GALNT16: variants seen among roughly 807,000 people sequenced by gnomAD.
The protein encoded by GALNT16 is polypeptide N-acetylgalactosaminyltransferase 16.
Under a neutral mutation model 76.1 loss-of-function variants are expected in GALNT16, and 40 were observed. That is an observed-to-expected ratio of 0.53 (90% confidence interval 0.41 to 0.68). The LOEUF (loss-of-function observed/expected upper bound fraction) is 0.68, where lower values mean the gene tolerates loss of function less well. Ranked by LOEUF, GALNT16 falls within the 30% of genes least tolerant of loss-of-function variation. GALNT16 has a pLI of 0.00. For missense variants in GALNT16, 621 were observed against 731.9 expected (o/e 0.85, Z 1.75); for synonymous variants, 276 against 285.2 (o/e 0.97, Z 0.32).
intron 1 of GALNT16, among the ~76,000 whole-genome samples, chr14:69,317,220 G>A (rs899093750): frequency 3.9e-5 from 6 of 152,096 alleles, no homozygotes; most frequent in Non-Finnish European, 5.9e-5. Context: ...TTACTCCCTC[G>A]CCAATACACT....
chr14:69,264,619 T>C (rs1181633829), intron 1 of GALNT16, among the ~76,000 whole-genome samples: 1 of 152,090 alleles, frequency 6.6e-6, no homozygotes, highest in Non-Finnish European at 1.5e-5. Flanking sequence ...TTATAATGTG[T>C]GCATTTTGGA....
downstream of GALNT16, among the ~76,000 whole-genome samples, chr14:69,359,576 G>A (rs1054184127): frequency 6.6e-6 from 1 of 152,102 alleles, no homozygotes; most frequent in South Asian, 2.1e-4. Flanking sequence ...ACTCCAATGA[G>A]GTAGGTTCTC....
intron 1 of GALNT16, among the ~76,000 whole-genome samples, chr14:69,314,925 T>G (rs1259247309): frequency 2.0e-5 from 3 of 152,182 alleles, no homozygotes; most frequent in African/African-American, 4.8e-5. Context: ...CAGGTACCTG[T>G]TTTACTGGCA....
chr14:69,276,214 GT>G (rs2044469006), intron 1 of GALNT16, among the ~76,000 whole-genome samples: 1 of 151,860 alleles, frequency 6.6e-6, no homozygotes, highest in Non-Finnish European at 1.5e-5. Context: ...CATATCATCT[GT>G]TTCCAAAAAA....
chr14:69,290,693 G>A (rs1409200421), intron 1 of GALNT16, among the ~76,000 whole-genome samples: 2 of 152,240 alleles, frequency 1.3e-5, no homozygotes, highest in Non-Finnish European at 2.9e-5. Context: ...TAACTCGTGT[G>A]CTTCACCTCT....
chr14:69,272,295 G>A (rs894029534), intron 1 of GALNT16, among the ~76,000 whole-genome samples: 40 of 152,152 alleles, frequency 2.6e-4, no homozygotes, highest in Admixed American at 7.2e-4. Context: ...CCTGGAAGGT[G>A]GAGTTTGCAG....
intron 1 of GALNT16, among the ~76,000 whole-genome samples, chr14:69,303,129 T>C (rs1396106905): frequency 1.3e-5 from 2 of 152,248 alleles, no homozygotes; most frequent in Non-Finnish European, 2.9e-5. Context: ...TTAAAGGCTT[T>C]TGATGCATTT....
intron 2 of GALNT16, among the ~76,000 whole-genome samples, chr14:69,322,923 GGGGTGTGTGTGTGTGTGTGTGTGT>G (rs2045210372): frequency 3.8e-5 from 4 of 105,096 alleles, no homozygotes; most frequent in Non-Finnish European, 5.9e-5. Flanking sequence ...GGTGGCTCAC[GGGGTGTGTGTGTGTGTGTGTGTGT>G]GTGTGTGTGT....
chr14:69,332,977 G>C, intron 7 of GALNT16, 108 bp from the exon 8 acceptor site: 1 of 795,178 alleles, frequency 1.3e-6, no homozygotes, highest in Non-Finnish European at 2.3e-6. Context: ...ACTGCACGAA[G>C]AGCCCAGGGC....
the GALNT16 span, among the ~76,000 whole-genome samples, chr14:69,366,071 A>G: frequency 1.1e-4 from 17 of 152,364 alleles, no homozygotes; most frequent in Non-Finnish European, 2.2e-4. Flanking sequence ...CAGATGGGGC[A>G]TCAGTTGGCA....
intron 6 of GALNT16, among the ~76,000 whole-genome samples, chr14:69,329,262 C>T (rs553975010): frequency 1.6e-4 from 24 of 152,066 alleles, no homozygotes; most frequent in Admixed American, 6.5e-4. Flanking sequence ...GAGGCAGAGG[C>T]GGGAGAATCA....
the GALNT16 span, among the ~76,000 whole-genome samples, chr14:69,378,682 T>C: frequency 6.6e-6 from 1 of 152,234 alleles, no homozygotes; most frequent in Non-Finnish European, 1.5e-5. Context: ...AGAACCCAGA[T>C]ACTTTCTCAC....
chr14:69,370,681 T>A, the GALNT16 span, among the ~76,000 whole-genome samples: 1 of 152,224 alleles, frequency 6.6e-6, no homozygotes, highest in Non-Finnish European at 1.5e-5. Flanking sequence ...GAAGCACATC[T>A]CATATATGTC....
chr14:69,277,343 G>C (rs546212943), intron 1 of GALNT16, among the ~76,000 whole-genome samples: 1 of 152,222 alleles, frequency 6.6e-6, no homozygotes, highest in South Asian at 2.1e-4. Flanking sequence ...ATTTACATTA[G>C]GTATATCTCC....
chr14:69,352,452 G>C lies in GALNT16; in HGVS notation c.*284G>C. On this transcript the variant is annotated 3_prime_UTR_variant, in exon 15 of 15. Transcript: ENST00000448469. ...ACTGAGTAGGTGCCCCTGGCCCTTTGTCCTCTCCCTTGGCGCTTCTTGGGG... is the reference window on the plus strand; with the variant it reads ...ACTGAGTAGGTGCCCCTGGCCCTTTCTCCTCTCCCTTGGCGCTTCTTGGGG... 1 of 371,728 alleles carries C rather than the reference G, an allele frequency of 2.7e-6. No homozygotes were observed. Among genetic ancestry groups the C allele is most frequent in the Non-Finnish European group, 4.9e-6 (1 of 206,038 alleles). 23.0% of individuals were successfully genotyped at this position (371,728 alleles called of 1,614,324 possible).
At chr14:69,262,487 C>T (rs894014021) in intron 1 of GALNT16, among the ~76,000 whole-genome samples, 4 of 152,172 alleles carry the variant, frequency 2.6e-5, no homozygotes, top group Non-Finnish European at 4.4e-5. Flanking sequence ...CTTATTCCCA[C>T]AGGGTTTGAC....
At chr14:69,309,539 TGGCCTCAAG>T (rs2044985508) in intron 1 of GALNT16, among the ~76,000 whole-genome samples, 1 of 152,198 alleles carries the variant, frequency 6.6e-6, no homozygotes, top group Non-Finnish European at 1.5e-5. Flanking sequence ...CTTGAACTCC[TGGCCTCAAG>T]TGATCCTCCT....
chr14:69,300,502 G>T (rs1170407248), intron 1 of GALNT16, among the ~76,000 whole-genome samples: 1 of 152,164 alleles, frequency 6.6e-6, no homozygotes, highest in Non-Finnish European at 1.5e-5. Flanking sequence ...AGAAAACCAC[G>T]CTTGCTTTTG....
At chr14:69,279,025 A>G (rs2044507642) in intron 1 of GALNT16, among the ~76,000 whole-genome samples, 1 of 151,202 alleles carries the variant, frequency 6.6e-6, no homozygotes, top group African/African-American at 2.4e-5. Context: ...TCCGCTTCCC[A>G]GGTTCAAGCG....
Sources: allele counts gnomAD v4.1 joint callset (sites outside exome capture counted in the v4.1 genomes callset), GRCh38; gene constraint gnomAD v4.1.1; transcripts MANE v1.5; gene names NCBI Gene and HGNC (gene_info 2026-07-23, HGNC 2026-07-21).